Variants in SORBS2 observed in about 807,000 individuals in gnomAD.
SORBS2 encodes sorbin and SH3 domain-containing protein 2.
In SORBS2, 46 loss-of-function variants were observed where a neutral mutation model predicts 97.7. The observed-to-expected ratio is 0.47, with a 90% CI of 0.37 to 0.60. The LOEUF is 0.60. SORBS2 is among the 20% of genes least tolerant of loss of function. SORBS2 has a pLI of 0.00. For synonymous variants in SORBS2, 476 were observed against 473.4 expected, an observed-to-expected ratio of 1.01 and a Z score of -0.07; for missense variants, 1,316 against 1,282.3, an observed-to-expected ratio of 1.03 and a Z score of -0.40.
At chr4:185,897,516 T>G (rs759022028) in intron 1 of SORBS2, among the ~76,000 whole-genome samples, 35 of 152,220 alleles carry the variant, frequency 2.3e-4, no homozygotes, top group Non-Finnish European at 4.9e-4. Context: ...AAGGCTCCTA[T>G]GTACACATTA....
intron 4 of SORBS2, among the ~76,000 whole-genome samples, chr4:185,645,115 T>C (rs2097186675): frequency 6.6e-6 from 1 of 152,180 alleles, no homozygotes; most frequent in African/African-American, 2.4e-5. Flanking sequence ...TGGGAGAGCG[T>C]CTAAAACCAA....
intron 4 of SORBS2, among the ~76,000 whole-genome samples, chr4:185,673,195 G>A: frequency 6.6e-6 from 1 of 152,148 alleles, no homozygotes; most frequent in East Asian, 1.9e-4. Flanking sequence ...GCTATTCGGT[G>A]GGCATAAAGT....
chr4:185,610,581 A>T (rs2096519778), intron 12 of SORBS2, among the ~76,000 whole-genome samples: 1 of 152,180 alleles, frequency 6.6e-6, no homozygotes, highest in Non-Finnish European at 1.5e-5. Context: ...TTCTAAAAAA[A>T]AATGCCTCTC....
intron 1 of SORBS2, among the ~76,000 whole-genome samples, chr4:185,888,084 G>A (rs2099240630): frequency 8.9e-6 from 1 of 112,770 alleles, no homozygotes; most frequent in East Asian, 3.8e-4. Flanking sequence ...TTATTATTTT[G>A]CTTTCTGGCA....
intron 2 of SORBS2, among the ~76,000 whole-genome samples, chr4:185,736,158 G>T (rs1452432192): frequency 6.6e-6 from 1 of 152,220 alleles, no homozygotes; most frequent in Admixed American, 6.5e-5. Flanking sequence ...CACAGAGTTT[G>T]CCTTGTCATT....
intron 1 of SORBS2, among the ~76,000 whole-genome samples, chr4:185,850,269 A>C (rs2099217083): frequency 6.6e-6 from 1 of 152,230 alleles, no homozygotes; most frequent in African/African-American, 2.4e-5. Flanking sequence ...GGAAAAACAC[A>C]CAACTCCCTG....
At chr4:185,617,849 A>T (rs1465743221) in intron 9 of SORBS2, among the ~76,000 whole-genome samples, 2 of 152,230 alleles carry the variant, frequency 1.3e-5, no homozygotes, top group Non-Finnish European at 2.9e-5. Flanking sequence ...AGACTTCAAT[A>T]CAGGAATCTT....
intron 2 of SORBS2, among the ~76,000 whole-genome samples, chr4:185,697,040 G>T (rs1460243102): frequency 1.3e-5 from 2 of 152,158 alleles, no homozygotes; most frequent in African/African-American, 4.8e-5. Context: ...AAACTGAATA[G>T]CGTTGGAAGA....
chr4:185,755,236 T>G (rs2098823677), intron 2 of SORBS2, among the ~76,000 whole-genome samples: 1 of 152,260 alleles, frequency 6.6e-6, no homozygotes, highest in Non-Finnish European at 1.5e-5. Flanking sequence ...CAGGCAATCA[T>G]GCTCCTCTTC....
At chr4:185,838,815 C>T (rs1187911467) in intron 1 of SORBS2, among the ~76,000 whole-genome samples, 1 of 152,170 alleles carries the variant, frequency 6.6e-6, no homozygotes, top group Non-Finnish European at 1.5e-5. Flanking sequence ...AGATTTCACT[C>T]TCACCACTTT....
intron 4 of SORBS2, 28 bp downstream of exon 7, chr4:185,678,395 T>G (rs1477345840): frequency 6.5e-7 from 1 of 1,527,226 alleles, no homozygotes. Flanking sequence ...CTTAAAATAA[T>G]GCAGTAGCCA....
At chr4:185,767,519 AG>A (rs71593652) in intron 2 of SORBS2, among the ~76,000 whole-genome samples, 5,721 of 51,694 alleles carry the variant, frequency 0.11, 506 homozygotes, top group African/African-American at 0.31. Flanking sequence ...AAAAAAAAAA[AG>A]AGAAAGAAAA....
At chr4:185,838,664 G>T (rs1370693637) in intron 1 of SORBS2, among the ~76,000 whole-genome samples, 2 of 152,212 alleles carry the variant, frequency 1.3e-5, no homozygotes, top group Non-Finnish European at 2.9e-5. Flanking sequence ...CTTGTCTTCA[G>T]TCTCCTTTCA....
chr4:185,879,165 T>TCCCCCCCCCCC (rs1224668040), intron 1 of SORBS2, among the ~76,000 whole-genome samples: 6 of 57,150 alleles, frequency 1.0e-4, no homozygotes, highest in African/African-American at 2.0e-4. Flanking sequence ...ATGCTATCCC[T>TCCCCCCCCCCC]CCCCCCCCCC....
chr4:185,786,754 G>A (rs1234446480), intron 1 of SORBS2, among the ~76,000 whole-genome samples: 1 of 152,116 alleles, frequency 6.6e-6, no homozygotes, highest in Non-Finnish European at 1.5e-5. Flanking sequence ...TTGAGGTCAG[G>A]AGTTCAAGAC....
At chr4:185,798,740 C>G (rs1031288241) in intron 1 of SORBS2, among the ~76,000 whole-genome samples, 1 of 152,144 alleles carries the variant, frequency 6.6e-6, no homozygotes, top group African/African-American at 2.4e-5. Context: ...ACATGTGAGG[C>G]CCTGATTTGC....
At chr4:185,700,868 TC>T in intron 2 of SORBS2, among the ~76,000 whole-genome samples, 1 of 152,310 alleles carries the variant, frequency 6.6e-6, no homozygotes, top group Non-Finnish European at 1.5e-5. Flanking sequence ...CCTAATATAG[TC>T]CTTCATGCTC....
At chr4:185,682,850 A>T (rs1046920685) in intron 2 of SORBS2, among the ~76,000 whole-genome samples, 2 of 151,390 alleles carry the variant, frequency 1.3e-5, no homozygotes, top group Non-Finnish European at 2.9e-5. Flanking sequence ...GTCTCTACTA[A>T]AAAAAATACA....
chr4:185,877,686 G>A (rs1321441004), intron 1 of SORBS2, among the ~76,000 whole-genome samples: 6 of 151,898 alleles, frequency 4.0e-5, no homozygotes, highest in African/African-American at 1.2e-4. Flanking sequence ...GGCCAACATG[G>A]TGACACCCCG....
Sources: gnomAD v4.1 joint callset for allele counts (sites outside exome capture counted in the v4.1 genomes callset) on GRCh38, gnomAD v4.1.1 for gene constraint, MANE v1.5 for transcripts, NCBI Gene and HGNC (gene_info 2026-07-23, HGNC 2026-07-21) for gene names.